Variants in MYLK4 observed in about 807,000 individuals in gnomAD.
MYLK4 encodes caMLCK like.
In MYLK4, 46 loss-of-function variants were observed where a neutral mutation model predicts 48.1. The observed-to-expected ratio is 0.96, with a 90% CI of 0.75 to 1.22. The LOEUF (loss-of-function observed/expected upper bound fraction) is 1.22. MYLK4 is among the 50% of genes most tolerant of loss of function. The pLI, the probability that MYLK4 is intolerant of heterozygous loss-of-function variation, is 0.00. For missense variants in MYLK4, 451 were observed against 486.1 expected (o/e 0.93, Z 0.68); for synonymous variants, 170 against 180.8 (o/e 0.94, Z 0.48).
the MYLK4 span, chr6:2,766,575 G>A: frequency 1.4e-6 from 2 of 1,385,066 alleles, no homozygotes; most frequent in Non-Finnish European, 1.9e-6. Flanking sequence ...TGCAGACTTG[G>A]GCTGGGCTGG....
the MYLK4 span, chr6:2,765,991 C>A: frequency 1.2e-4 from 166 of 1,384,752 alleles, no homozygotes; most frequent in African/African-American, 2.1e-3. Context: ...CCCGCCTTAT[C>A]CCCGACTTCC....
rs764778440 is a variant in MYLK4 at position 2,688,832 on chromosome 6, A to G, written c.341+19T>C. 2 of 1,592,918 alleles carry G rather than the reference A, an allele frequency of 1.3e-6. No individual in the cohort carries two copies. The highest frequency in any genetic ancestry group is 2.2e-5 in the South Asian group (2 of 90,560). On this transcript the variant is annotated intron_variant, in intron 4 of 12. Transcript: ENST00000274643. ...TCTCTTCTTTTGTTGAGAGAATATTAACATTCAGCCTTACTCACCCTCCTA... is the reference window on the plus strand; with the variant it reads ...TCTCTTCTTTTGTTGAGAGAATATTGACATTCAGCCTTACTCACCCTCCTA...
chr6:2,768,541 G>C, the MYLK4 span: 1 of 495,470 alleles, frequency 2.0e-6, no homozygotes, highest in Non-Finnish European at 3.4e-6. Flanking sequence ...ATGTCCTGTG[G>C]TATTTTTGAT....
rs549503753 is a variant in MYLK4 at position 2,683,219 on chromosome 6, T to C, written c.546-57A>G. The C allele has an allele frequency of 9.4e-6, 15 of 1,597,252 alleles. No individual in the cohort carries two copies. In the South Asian group the frequency reaches 1.4e-4, roughly 15 times the overall value. On this transcript the variant is annotated intron_variant, in intron 6 of 12. Coordinates refer to ENST00000274643, the MANE Select transcript of MYLK4 (RefSeq NM_001012418.5). ...CCCGATTTCCTTACCACCATGTGCT[T>C]TTCTCGTAGTGACTTGTCGTGCAAG...
At chr6:2,674,508 T>C (rs1033197182) in intron 11 of MYLK4, among the ~76,000 whole-genome samples, 8 of 152,238 alleles carry the variant, frequency 5.3e-5, no homozygotes, top group Admixed American at 1.3e-4. Flanking sequence ...AATAATTTAA[T>C]AATAAACAGT....
chr6:2,765,990 TC>T, the MYLK4 span: 1 of 1,383,768 alleles, frequency 7.2e-7, no homozygotes, highest in Non-Finnish European at 9.4e-7. Flanking sequence ...GCCCGCCTTA[TC>T]CCCGACTTCC....
At position 2,741,246 on chromosome 6, in the gene MYLK4, T is replaced by C. The variant is rs541244601; in HGVS notation, c.159+7890A>G. On this transcript the variant is annotated intron_variant, in intron 2 of 12. Coordinates refer to ENST00000274643, the MANE Select transcript of MYLK4 (RefSeq NM_001012418.5). ...TGTTTTAGGTAAGTGGATAGGATCG[T>C]AGTTTGGGCATCTATATTTAGGAAT... Among the ~76,000 whole-genome samples the C allele has an allele frequency of 1.6e-3, 248 of 152,338 alleles. 1 individual carries two copies. Among genetic ancestry groups the C allele is most frequent in the Non-Finnish European group, 2.2e-3 (151 of 68,020 alleles).
At chr6:2,738,727 A>T (rs1340065831) in intron 2 of MYLK4, among the ~76,000 whole-genome samples, 1 of 152,256 alleles carries the variant, frequency 6.6e-6, no homozygotes, top group African/African-American at 2.4e-5. Context: ...CATACTTCAG[A>T]TCATGTGGCA....
At chr6:2,743,358 T>C (rs953855693) in intron 2 of MYLK4, among the ~76,000 whole-genome samples, 3 of 152,242 alleles carry the variant, frequency 2.0e-5, no homozygotes, top group East Asian at 3.8e-4. Context: ...TGAAAAGTGC[T>C]AAAATTCTTA....
At chr6:2,712,189 G>A (rs1762698118) in intron 2 of MYLK4, among the ~76,000 whole-genome samples, 1 of 152,144 alleles carries the variant, frequency 6.6e-6, no homozygotes, top group South Asian at 2.1e-4. Flanking sequence ...CATGTTCCGG[G>A]GCTCATGTTC....
At chr6:2,762,525 A>G in the MYLK4 span, among the ~76,000 whole-genome samples, 12 of 152,356 alleles carry the variant, frequency 7.9e-5, no homozygotes, top group East Asian at 2.1e-3. Flanking sequence ...AAATGTTTAA[A>G]ATCAGTGTAC....
intron 7 of MYLK4, among the ~76,000 whole-genome samples, chr6:2,681,810 A>G (rs1470217141): frequency 6.6e-6 from 1 of 152,136 alleles, no homozygotes; most frequent in Non-Finnish European, 1.5e-5. Flanking sequence ...TCCTCAATCA[A>G]TGTTATGAAG....
intron 10 of MYLK4, 140 bp downstream of exon 10, chr6:2,678,080 G>C (rs1761146960): frequency 9.5e-7 from 1 of 1,052,666 alleles, no homozygotes; most frequent in African/African-American, 1.6e-5. Context: ...TGGGTCAAGA[G>C]GCTCAAACCT....
At chr6:2,765,616 G>A in the MYLK4 span, 2 of 1,514,704 alleles carry the variant, frequency 1.3e-6, no homozygotes, top group East Asian at 2.8e-5. Context: ...GGAGGGCGGC[G>A]GCCGCCATGG....
At chr6:2,761,885 G>A in the MYLK4 span, among the ~76,000 whole-genome samples, 36 of 152,076 alleles carry the variant, frequency 2.4e-4, no homozygotes, top group Non-Finnish European at 4.6e-4. Context: ...AGTAGAAAAA[G>A]GAAATGGCAT....
At chr6:2,707,548 C>G (rs765293405) in intron 2 of MYLK4, among the ~76,000 whole-genome samples, 10 of 152,144 alleles carry the variant, frequency 6.6e-5, no homozygotes, top group Non-Finnish European at 1.3e-4. Flanking sequence ...ATCATACTGG[C>G]ATGAACTTCT....
At chr6:2,729,237 A>G (rs1214356253) in intron 2 of MYLK4, among the ~76,000 whole-genome samples, 1 of 152,186 alleles carries the variant, frequency 6.6e-6, no homozygotes, top group African/African-American at 2.4e-5. Flanking sequence ...ACTCCATTCT[A>G]TTGCTCAGCT....
At chr6:2,684,352 G>GTTGA (rs1439462751) in intron 6 of MYLK4, among the ~76,000 whole-genome samples, 1 of 152,180 alleles carries the variant, frequency 6.6e-6, no homozygotes, top group Non-Finnish European at 1.5e-5. Flanking sequence ...TTTAAAACCT[G>GTTGA]TTGATTGTTT....
Position 2,672,050 on chromosome 6 carries a change from G to GGGT in MYLK4, c.1120-705_1120-703dup, listed in dbSNP as rs1305518979. On this transcript the variant is annotated intron_variant, in intron 11 of 12. Coordinates refer to ENST00000274643, the MANE Select transcript of MYLK4 (RefSeq NM_001012418.5). The surrounding 1 kb of genome is among the most constrained non-coding windows in gnomAD (Gnocchi z 4.3). ...TAATGATTTGATAGATTAGGGAAGA[G>GGGT]GGTGAGTAGAGGTTGGATATCAGCT... Among the ~76,000 whole-genome samples the GGGT allele has an allele frequency of 6.6e-6, 1 of 152,196 alleles. No individual in the cohort carries two copies. Among genetic ancestry groups the GGGT allele is most frequent in the Non-Finnish European group, 1.5e-5 (1 of 68,030 alleles).
Sources: gnomAD v4.1 joint callset for allele counts (sites outside exome capture counted in the v4.1 genomes callset) on GRCh38, gnomAD v4.1.1 for gene constraint, Gnocchi (gnomAD v3.1) non-coding constraint, MANE v1.5 for transcripts, NCBI Gene and HGNC (gene_info 2026-07-23, HGNC 2026-07-21) for gene names.